Variants in KCNQ2 observed in about 807,000 individuals in gnomAD.
KCNQ2 encodes potassium voltage-gated channel subfamily Q member 2.
In KCNQ2, 14 loss-of-function variants were observed where a neutral mutation model predicts 84.8. That is an observed-to-expected ratio of 0.17 (90% CI 0.11 to 0.26). The LOEUF is 0.26. KCNQ2 is among the 10% of genes least tolerant of loss of function. KCNQ2 has a pLI of 1.00. For synonymous variants in KCNQ2, 599 were observed against 554.1 expected, an observed-to-expected ratio of 1.08 and a Z score of -1.14; for missense variants, 788 against 1,254.0, an observed-to-expected ratio of 0.63 and a Z score of 5.61.
intron 10 of KCNQ2, among the ~76,000 whole-genome samples, chr20:63,426,006 T>C (rs2145624708): frequency 6.6e-6 from 1 of 152,210 alleles, no homozygotes; most frequent in Non-Finnish European, 1.5e-5. Context: ...CTGGGGACGC[T>C]CCTCGGGGGC....
rs1000642544 is a variant in KCNQ2, at chr20:63,401,268, C to T, written c.*5376G>A. 3 of 174,420 alleles carry T rather than the reference C, an allele frequency of 1.7e-5. No homozygotes were observed. Among genetic ancestry groups the T allele is most frequent in the South Asian group, 2.0e-4 (1 of 5,026 alleles). 10.8% of individuals were successfully genotyped at this position (174,420 alleles called of 1,614,324 possible). A position where few individuals can be genotyped will look rare whatever the true frequency, so the allele number is the denominator to read the frequency against. On this transcript the variant is annotated 3_prime_UTR_variant, in exon 17 of 17. Coordinates refer to ENST00000359125, the MANE Select transcript of KCNQ2 (RefSeq NM_172107.4). Reference sequence around the variant, plus strand: ...CACCGTTGCCCACAACCTCCCCCGGCGATGTCACCTCCTCCCAGGGTCGGC... The same window carrying T: ...CACCGTTGCCCACAACCTCCCCCGGTGATGTCACCTCCTCCCAGGGTCGGC...
chr20:63,451,144 A>G (rs893122664), intron 1 of KCNQ2, among the ~76,000 whole-genome samples: 2 of 151,638 alleles, frequency 1.3e-5, no homozygotes, highest in Admixed American at 6.6e-5. Context: ...TCCCAAAAAA[A>G]AAAAAAAAAG....
At chr20:63,432,242 A>C (rs189728060) in intron 8 of KCNQ2, among the ~76,000 whole-genome samples, 701 of 72,462 alleles carry the variant, frequency 9.7e-3, no homozygotes, top group Middle Eastern at 0.014. Flanking sequence ...ACAGGGAAGG[A>C]TCCACCCACA....
chr20:63,430,238 G>A (rs1478318576), intron 9 of KCNQ2, among the ~76,000 whole-genome samples: 2 of 152,172 alleles, frequency 1.3e-5, no homozygotes, highest in East Asian at 1.9e-4. Flanking sequence ...GGGAGGGGGC[G>A]GCCCTGGGAG....
chr20:63,452,762 CCA>C (rs1171701102), intron 1 of KCNQ2, among the ~76,000 whole-genome samples: 2 of 152,148 alleles, frequency 1.3e-5, no homozygotes, highest in Non-Finnish European at 2.9e-5. Flanking sequence ...CAGGTCCAGG[CCA>C]CACACCTGCC....
chr20:63,442,692 T>TCCCCAC (rs2081210839), intron 4 of KCNQ2, among the ~76,000 whole-genome samples, 161 bp from the exon 5 acceptor site: 1 of 50,082 alleles, frequency 2.0e-5, no homozygotes, highest in African/African-American at 8.2e-5. Flanking sequence ...ACCATCACCA[T>TCCCCAC]CACCACCATC....
rs2081104441 is a variant in KCNQ2 at position 63,439,720 on chromosome 20, C to A, written c.817-12G>T. On this transcript the variant is annotated splice_polypyrimidine_tract_variant and intron_variant, in intron 5 of 16. Transcript: ENST00000359125. ...GTGGTCAGCGTGATCTGTGGGACCG[C>A]AGGCTCTAGTCACACGAAGGGCCTG... is the stretch of plus-strand genomic sequence containing the variant. 6.3e-6 allele frequency: 10 copies of A among 1,596,176 alleles called. No homozygotes were observed. Among genetic ancestry groups the A allele is most frequent in the Non-Finnish European group, 8.6e-6 (10 of 1,164,206 alleles).
chr20:63,457,889 T>A (rs1401866292), intron 1 of KCNQ2, among the ~76,000 whole-genome samples: 1 of 152,054 alleles, frequency 6.6e-6, no homozygotes, highest in Non-Finnish European at 1.5e-5. Flanking sequence ...CGTGGTTAAA[T>A]CAGCTCCCCG....
Position 63,414,011 on chromosome 20 carries a change from C to A in KCNQ2, c.1631+77G>T. 3 of 1,085,166 alleles carry A rather than the reference C, an allele frequency of 2.8e-6. No individual in the cohort carries two copies. Among genetic ancestry groups the A allele is most frequent in the Non-Finnish European group, 4.3e-6 (3 of 701,952 alleles). 67.2% of individuals were successfully genotyped at this position (1,085,166 alleles called of 1,614,324 possible). Reference sequence around the variant, plus strand: ...GGGCGGCTCTGTCCAGCACCATGAGCACCGGCAGCAGGCAGGACCACCGAG... The same window carrying A: ...GGGCGGCTCTGTCCAGCACCATGAGAACCGGCAGCAGGCAGGACCACCGAG... On this transcript the variant is annotated intron_variant, in intron 14 of 16. Transcript: ENST00000359125. The surrounding 1 kb of genome is among the most constrained non-coding windows in gnomAD (Gnocchi z 6.6).
At position 63,460,828 on chromosome 20, in the gene KCNQ2, G is replaced by A. The variant is rs1265807702; in HGVS notation, c.296+11340C>T. 3 of 152,226 alleles carry A rather than the reference G, an allele frequency of 2.0e-5. No individual in the cohort carries two copies. Among genetic ancestry groups the A allele is most frequent in the Admixed American group, 1.3e-4 (2 of 15,286 alleles). The allele number at this position is 152,226 out of a possible 1,614,324, so 9.4% of individuals were successfully genotyped here. On this transcript the variant is annotated intron_variant, in intron 1 of 16. Transcript: ENST00000359125. The surrounding 1 kb of genome is among the most constrained non-coding windows in gnomAD (Gnocchi z 5.4). ...GGACAGCTGTGGTGTCGACATCCAC[G>A]CAGGGACACCACACAACACAGGGAC...
intron 4 of KCNQ2, among the ~76,000 whole-genome samples, chr20:63,443,018 A>AT (rs2081264227): frequency 1.1e-5 from 1 of 93,004 alleles, no homozygotes; most frequent in Admixed American, 1.1e-4. Flanking sequence ...CACCATCACC[A>AT]CCACCATCAC....
At chr20:63,415,656 A>C (rs1248432475) in intron 12 of KCNQ2, among the ~76,000 whole-genome samples, 2 of 152,070 alleles carry the variant, frequency 1.3e-5, no homozygotes, top group Non-Finnish European at 2.9e-5. Flanking sequence ...GTGGACTCTT[A>C]AATCACTTTC....
At position 63,438,821 on chromosome 20, in the gene KCNQ2, C is replaced by T; in HGVS notation, c.928-101G>A. ...GGGCCCCACACCCCCCCCAATTCATCAGGGTCAGACCACACTCCAGAGACT... is the reference window on the plus strand; with the variant it reads ...GGGCCCCACACCCCCCCCAATTCATTAGGGTCAGACCACACTCCAGAGACT... On this transcript the variant is annotated intron_variant, in intron 6 of 16. Transcript: ENST00000359125. This position sits in a 1 kb window ranked among gnomAD's most constrained non-coding sequence, Gnocchi z 5.1. The T allele has an allele frequency of 1.2e-6, 1 of 833,084 alleles. No homozygotes were observed. The highest frequency in any genetic ancestry group is 1.4e-5 in the South Asian group (1 of 71,764). The allele number at this position is 833,084 out of a possible 1,614,324, so 51.6% of individuals were successfully genotyped here.
rs915805727 is a variant in KCNQ2, at chr20:63,472,376, C to T, written c.88G>A (p.Gly30Ser). 5 of 1,534,578 alleles carry T rather than the reference C, an allele frequency of 3.3e-6. No homozygotes were observed. Among genetic ancestry groups the T allele is most frequent in the Middle Eastern group, 1.8e-4 (1 of 5,570 alleles). ...LKVGFVGLDP[G>S]APDSTRDGAL... ...CCGTCCCGGGTGGAGTCGGGCGCGC[C>T]GGGGTCCAGCCCCACGAAGCCCACC... is the stretch of plus-strand genomic sequence containing the variant. The change falls in exon 1 of 17, where the codon GGC becomes AGC. Residue 30 changes from glycine (G) to serine (S), a missense_variant. Transcript: ENST00000359125.
intron 4 of KCNQ2, among the ~76,000 whole-genome samples, 185 bp from the exon 5 acceptor site, chr20:63,442,716 C>A (rs796956283): frequency 1.8e-5 from 1 of 56,466 alleles, no homozygotes; most frequent in African/African-American, 8.3e-5. Context: ...ATCACCACCA[C>A]CACCACCATC....
chr20:63,439,772 G>A (rs573867797), intron 5 of KCNQ2, 64 bp from the exon 6 acceptor site: 11 of 1,242,750 alleles, frequency 8.9e-6, no homozygotes, highest in East Asian at 4.6e-5. Context: ...CAGGCTGGAC[G>A]CCCGCTGGCG....
intron 15 of KCNQ2, among the ~76,000 whole-genome samples, chr20:63,409,270 C>T (rs976053513): frequency 2.6e-5 from 4 of 152,164 alleles, no homozygotes; most frequent in Admixed American, 6.5e-5. Flanking sequence ...TCTGTGTGCA[C>T]GCGTGTGCAT....
intron 1 of KCNQ2, among the ~76,000 whole-genome samples, 184 bp downstream of exon 1, chr20:63,471,984 C>T (rs916653937): frequency 6.6e-6 from 1 of 152,192 alleles, no homozygotes; most frequent in Non-Finnish European, 1.5e-5. Context: ...ATCCTTCCTG[C>T]CCGCGCGCTG....
chr20:63,446,891 G>T lies in KCNQ2; in HGVS notation c.297-54C>A. ...CAGGCCGCAGCAGGGCAGCAGCATG[G>T]CTGTGTCTCCAGAACTCAGGACCCC... On this transcript the variant is annotated intron_variant, in intron 1 of 16. Coordinates refer to ENST00000359125, the MANE Select transcript of KCNQ2 (RefSeq NM_172107.4). The surrounding 1 kb of genome is among the most constrained non-coding windows in gnomAD (Gnocchi z 5.5). 1.3e-6 allele frequency: 2 copies of T among 1,500,612 alleles called. No homozygotes were observed. The highest frequency in any genetic ancestry group is 1.1e-5 in the South Asian group (1 of 88,750). 93.0% of individuals were successfully genotyped at this position (1,500,612 alleles called of 1,614,324 possible).
Sources: allele counts gnomAD v4.1 joint callset (sites outside exome capture counted in the v4.1 genomes callset), GRCh38; gene constraint gnomAD v4.1.1; non-coding constraint Gnocchi (gnomAD v3.1); transcripts MANE v1.5; gene names NCBI Gene and HGNC (gene_info 2026-07-23, HGNC 2026-07-21).